The following PCDHGA9 variants were observed in gnomAD, a reference collection of about 807,000 sequenced individuals.
PCDHGA9 encodes the protein protocadherin gamma-A9.
A neutral mutation model predicts 62.5 loss-of-function variants in PCDHGA9; 37 were observed. The ratio of observed to expected loss-of-function variants is 0.59; its 90% confidence interval spans 0.46 to 0.78. PCDHGA9 has a LOEUF of 0.78. PCDHGA9 is among the 30% of genes least tolerant of loss of function. PCDHGA9 has a pLI of 0.00. For synonymous variants in PCDHGA9, 459 were observed against 484.6 expected, an observed-to-expected ratio of 0.95 and a Z score of 0.69; for missense variants, 1,138 against 1,166.2, an observed-to-expected ratio of 0.98 and a Z score of 0.35.
In PCDHGA9 at chr5:141,486,370, T is replaced by A; in HGVS notation, c.2425-8437T>A. On this transcript the variant is annotated intron_variant, in intron 1 of 3. Transcript: ENST00000573521. This position sits in a 1 kb window ranked among gnomAD's most constrained non-coding sequence, Gnocchi z 5.0. ...ACCACTTGCCATTTGCCCTCAAGTC[T>A]GCCTTCAGGAACCAGTTCTCCCTGG... 1 of 1,614,106 alleles carries A rather than the reference T, an allele frequency of 6.2e-7. No homozygotes were observed. The highest frequency in any genetic ancestry group is 8.5e-7 in the Non-Finnish European group (1 of 1,179,986).
Position 141,476,387 on chromosome 5 carries a change from C to G in PCDHGA9, c.2425-18420C>G, listed in dbSNP as rs147660262. Reference sequence around the variant, plus strand: ...GACCGGAGAGATGTTTGTGAACGACCGTCTGGATCGAGAGGAGCTGTGTGG... The same window carrying G: ...GACCGGAGAGATGTTTGTGAACGACGGTCTGGATCGAGAGGAGCTGTGTGG... On this transcript the variant is annotated intron_variant, in intron 1 of 3. Coordinates refer to ENST00000573521, the MANE Select transcript of PCDHGA9 (RefSeq NM_018921.3). The surrounding 1 kb of genome is among the most constrained non-coding windows in gnomAD (Gnocchi z 7.6). 3.6e-4 allele frequency: 587 copies of G among 1,614,076 alleles called. No individual in the cohort carries two copies. The highest frequency in any genetic ancestry group is 4.7e-4 in the Non-Finnish European group (549 of 1,180,024).
chr5:141,452,463 G>A (rs2098741767), intron 1 of PCDHGA9, among the ~76,000 whole-genome samples: 1 of 152,160 alleles, frequency 6.6e-6, no homozygotes, highest in African/African-American at 2.4e-5. Flanking sequence ...AGCAGACGGA[G>A]CTAGGAAAAA....
Position 141,476,944 on chromosome 5 carries a change from C to T in PCDHGA9, c.2425-17863C>T, listed in dbSNP as rs1360022622. The T allele has an allele frequency of 3.3e-5, 53 of 1,614,072 alleles. No homozygotes were observed. The highest frequency in any genetic ancestry group is 4.1e-5 in the Non-Finnish European group (48 of 1,180,052). ...CAACGGATCTGGATGAAGGCCCCAACGGTGAAATTATTTACTCCTTCGGCA... is the reference window on the plus strand; with the variant it reads ...CAACGGATCTGGATGAAGGCCCCAATGGTGAAATTATTTACTCCTTCGGCA... On this transcript the variant is annotated intron_variant, in intron 1 of 3. Transcript: ENST00000573521. The surrounding 1 kb of genome is among the most constrained non-coding windows in gnomAD (Gnocchi z 7.6).
intron 1 of PCDHGA9, among the ~76,000 whole-genome samples, chr5:141,470,888 T>C (rs2099243463): frequency 6.6e-6 from 1 of 151,912 alleles, no homozygotes; most frequent in Non-Finnish European, 1.5e-5. Context: ...GTTTTTGTTT[T>C]TGTTTTTTGT....
rs775647026 is a variant in PCDHGA9 at position 141,404,518 on chromosome 5, T to C, written c.1566T>C (p.Tyr522=). 16 of 1,613,656 alleles carry C rather than the reference T, an allele frequency of 9.9e-6. No homozygotes were observed. The highest frequency in any genetic ancestry group is 1.4e-5 in the Non-Finnish European group (16 of 1,179,676). The change falls in exon 1 of 4, where the codon TAT becomes TAC. Residue 522 remains tyrosine, a synonymous_variant. Transcript: ENST00000573521. The part of the protein sequence containing the change: ...GVLYALCSFD[Y]EQFRDLQMQV... ...TGTATGCTCTGTGCTCCTTTGACTA[T>C]GAGCAGTTTAGAGATTTGCAAATGC... is the stretch of plus-strand genomic sequence containing the variant.
At chr5:141,413,189 G>C in intron 1 of PCDHGA9, 7 of 1,606,972 alleles carry the variant, frequency 4.4e-6, no homozygotes, top group Non-Finnish European at 6.0e-6. Context: ...GCCGCTCAAA[G>C]GAATCGCTCA....
intron 1 of PCDHGA9, among the ~76,000 whole-genome samples, chr5:141,446,280 A>G (rs1011084291): frequency 2.6e-5 from 4 of 152,162 alleles, no homozygotes; most frequent in South Asian, 2.1e-4. Context: ...AATACAATGG[A>G]TAAATGGGGA....
intron 1 of PCDHGA9, chr5:141,441,855 G>T (rs1210416963): frequency 2.8e-6 from 1 of 351,872 alleles, no homozygotes; most frequent in Admixed American, 4.0e-5. Context: ...ATATGGTGCT[G>T]CACGCCGCGG....
chr5:141,466,766 T>G (rs1309395984), intron 1 of PCDHGA9, among the ~76,000 whole-genome samples: 2 of 152,194 alleles, frequency 1.3e-5, no homozygotes, highest in Non-Finnish European at 2.9e-5. Context: ...TTTCAAACTG[T>G]TATCTTATTC....
chr5:141,443,656 A>T (rs139300845), intron 1 of PCDHGA9, among the ~76,000 whole-genome samples: 1 of 152,256 alleles, frequency 6.6e-6, no homozygotes, highest in African/African-American at 2.4e-5. Flanking sequence ...TTAGCATAGC[A>T]TTTTACTGAA....
At chr5:141,424,700 T>C (rs1359856009) in intron 1 of PCDHGA9, 3 of 152,228 alleles carry the variant, frequency 2.0e-5, no homozygotes, top group African/African-American at 7.2e-5. Context: ...TATTTTTTTG[T>C]TCATTTTCAG....
chr5:141,451,428 G>T (rs552096051), intron 1 of PCDHGA9, among the ~76,000 whole-genome samples: 17 of 152,166 alleles, frequency 1.1e-4, no homozygotes, highest in Non-Finnish European at 2.1e-4. Context: ...TTAGACTAAG[G>T]GTTCCAGTTC....
intron 1 of PCDHGA9, among the ~76,000 whole-genome samples, chr5:141,407,497 G>GTTTTTTTTTTTTTT (rs1554102286): frequency 6.6e-6 from 1 of 152,090 alleles, no homozygotes; most frequent in African/African-American, 2.4e-5. Context: ...CTTTATTTCT[G>GTTTTTTTTTTTTTT]TTTTTCTTAG....
intron 1 of PCDHGA9, chr5:141,414,623 C>G: frequency 6.2e-7 from 1 of 1,613,938 alleles, no homozygotes; most frequent in South Asian, 1.1e-5. Context: ...GCGCTGGACC[C>G]GGACAGCAAA....
chr5:141,468,180 C>T (rs1053758210), intron 1 of PCDHGA9, among the ~76,000 whole-genome samples: 4 of 151,744 alleles, frequency 2.6e-5, no homozygotes, highest in Non-Finnish European at 5.9e-5. Context: ...GAAAAATTTG[C>T]TGGGCATGGT....
chr5:141,475,202 G>T (rs746895166), intron 1 of PCDHGA9, among the ~76,000 whole-genome samples: 38 of 152,086 alleles, frequency 2.5e-4, no homozygotes, highest in Non-Finnish European at 5.3e-4. Context: ...CAAGATCTTG[G>T]GAAAAGGATT....
rs770093591 is a variant in PCDHGA9 at position 141,486,147 on chromosome 5, G to T, written c.2425-8660G>T. ...GAATTTGATGTGCGGGCTCGCGATG[G>T]GGGTTCTCCAGCCATGGAGCAACAT... On this transcript the variant is annotated intron_variant, in intron 1 of 3. Transcript: ENST00000573521. This position sits in a 1 kb window ranked among gnomAD's most constrained non-coding sequence, Gnocchi z 5.0. The T allele has an allele frequency of 6.2e-7, 1 of 1,614,168 alleles. No individual in the cohort carries two copies. The highest frequency in any genetic ancestry group is 1.7e-5 in the Admixed American group (1 of 60,028).
Position 141,410,699 on chromosome 5 carries a change from A to C in PCDHGA9, c.2424+5323A>C, listed in dbSNP as rs760193148. On this transcript the variant is annotated intron_variant, in intron 1 of 3. Transcript: ENST00000573521. ...ATTTTAGGCATACTACTTTATTTTC[A>C]TATCTAGAATCATATGTTTAAAATC... The C allele has an allele frequency of 2.0e-6, 3 of 1,478,344 alleles. No homozygotes were observed. In the South Asian group the frequency reaches 4.0e-5, roughly 20 times the overall value. The allele number at this position is 1,478,344 out of a possible 1,614,324, so 91.6% of individuals were successfully genotyped here. A position where few individuals can be genotyped will look rare whatever the true frequency, so the allele number is the denominator to read the frequency against.
chr5:141,421,854 C>CCTG (rs761444125), intron 1 of PCDHGA9: 2 of 1,613,762 alleles, frequency 1.2e-6, no homozygotes, highest in Non-Finnish European at 1.7e-6. Flanking sequence ...AGGCTGCTCA[C>CCTG]CTGCTCCTCC....
Sources: gnomAD v4.1 joint callset for allele counts (sites outside exome capture counted in the v4.1 genomes callset) on GRCh38, gnomAD v4.1.1 for gene constraint, Gnocchi (gnomAD v3.1) non-coding constraint, MANE v1.5 for transcripts, NCBI Gene and HGNC (gene_info 2026-07-23, HGNC 2026-07-21) for gene names.